The following SLC9A7 variants were observed in gnomAD, a reference collection of about 807,000 sequenced individuals.
SLC9A7 encodes sodium/hydrogen exchanger 7.
A neutral mutation model predicts 52.6 loss-of-function variants in SLC9A7; 19 were observed. The observed-to-expected ratio is 0.36, with a 90% CI of 0.25 to 0.53. The LOEUF is 0.53. Ranked by LOEUF, SLC9A7 falls within the 20% of genes least tolerant of loss-of-function variation. SLC9A7 has a pLI of 0.91. For missense variants in SLC9A7, 455 were observed against 597.9 expected, an observed-to-expected ratio of 0.76 and a Z score of 2.49; for synonymous variants, 226 against 252.1, an observed-to-expected ratio of 0.90 and a Z score of 0.98.
intron 3 of SLC9A7, among the ~76,000 whole-genome samples, chrX:46,675,634 G>A (rs1429472391): frequency 1.8e-5 from 2 of 111,875 alleles, no homozygotes; most frequent in African/African-American, 6.5e-5. Flanking sequence ...CCTTTCATCT[G>A]CTCCTTTTTT....
At chrX:46,626,091 G>A (rs1308366991) in intron 14 of SLC9A7, among the ~76,000 whole-genome samples, 1 of 111,685 alleles carries the variant, frequency 9.0e-6, no homozygotes, top group Non-Finnish European at 1.9e-5. Context: ...CAGATCACTT[G>A]AGCCAAGGAG....
At chrX:46,656,190 A>G (rs1225802523) in intron 7 of SLC9A7, among the ~76,000 whole-genome samples, 7 of 112,156 alleles carry the variant, frequency 6.2e-5, no homozygotes, top group African/African-American at 2.3e-4. Context: ...ACTAACAAAC[A>G]GAAAGGACAT....
intron 1 of SLC9A7, among the ~76,000 whole-genome samples, chrX:46,711,125 C>A (rs1329620476): frequency 8.9e-6 from 1 of 112,830 alleles, no homozygotes; most frequent in East Asian, 2.8e-4. Context: ...CCTCTTGCAG[C>A]CTGCCAGCAA....
At position 46,611,016 on chromosome X, in the gene SLC9A7, A is replaced by G. The variant is rs1602129452; in HGVS notation, c.1929+2273T>C. ...CTAGAGTTAGAAGACAAATTTATAT[A>G]TATAAACCCAGTGAAACTTAAGATC... On this transcript the variant is annotated intron_variant, in intron 16 of 16. Transcript: ENST00000616978. Among the ~76,000 whole-genome samples, 4 of 112,057 alleles carry G rather than the reference A, an allele frequency of 3.6e-5. No individual in the cohort carries two copies. In the South Asian group the frequency reaches 1.5e-3, roughly 41 times the overall value.
At chrX:46,624,938 AAC>A (rs1286436949) in intron 14 of SLC9A7, among the ~76,000 whole-genome samples, 1 of 112,090 alleles carries the variant, frequency 8.9e-6, no homozygotes, top group Non-Finnish European at 1.9e-5. Context: ...GGGTGCTGGA[AAC>A]ACAAAGAGGA....
At chrX:46,612,435 T>C (rs903131282) in intron 16 of SLC9A7, among the ~76,000 whole-genome samples, 3 of 111,387 alleles carry the variant, frequency 2.7e-5, no homozygotes, top group African/African-American at 9.8e-5. Flanking sequence ...CGTCCACCAG[T>C]GTACATGTTC....
chrX:46,671,521 G>A (rs764273093), intron 4 of SLC9A7, among the ~76,000 whole-genome samples: 78 of 110,090 alleles, frequency 7.1e-4, no homozygotes, highest in African/African-American at 2.3e-3. Flanking sequence ...TGCCCGCCTC[G>A]GCCTCCCAAA....
At chrX:46,633,361 A>C (rs1267876319) in intron 13 of SLC9A7, among the ~76,000 whole-genome samples, 15 of 93,837 alleles carry the variant, frequency 1.6e-4, no homozygotes, top group Non-Finnish European at 2.8e-4. Flanking sequence ...AAAAAAAAAA[A>C]AAAAAAAAAA....
intron 16 of SLC9A7, among the ~76,000 whole-genome samples, chrX:46,613,029 C>T (rs1026915794): frequency 1.9e-5 from 2 of 107,049 alleles, no homozygotes; most frequent in Non-Finnish European, 3.9e-5. Flanking sequence ...CATTCCAATC[C>T]AGTGGCTCTG....
intron 7 of SLC9A7, among the ~76,000 whole-genome samples, chrX:46,657,734 T>G (rs994926899): frequency 1.8e-5 from 2 of 110,900 alleles, no homozygotes; most frequent in East Asian, 2.8e-4. Flanking sequence ...AAGTCCTGAG[T>G]GACCTACAAA....
intron 7 of SLC9A7, among the ~76,000 whole-genome samples, chrX:46,660,594 T>C (rs1943797000): frequency 9.0e-6 from 1 of 111,256 alleles, no homozygotes; most frequent in African/African-American, 3.3e-5. Context: ...AGAAGACTTT[T>C]ATGCAGCCAA....
At chrX:46,665,324 T>C (rs1421734435) in intron 5 of SLC9A7, among the ~76,000 whole-genome samples, 1 of 111,009 alleles carries the variant, frequency 9.0e-6, no homozygotes, top group Non-Finnish European at 1.9e-5. Flanking sequence ...AGGACCTAAA[T>C]GTGTTCATTC....
chrX:46,675,558 C>T (rs1361677001), intron 3 of SLC9A7, among the ~76,000 whole-genome samples: 1 of 112,341 alleles, frequency 8.9e-6, no homozygotes, highest in African/African-American at 3.2e-5. Context: ...TGTTGTAATG[C>T]TGGGCACTTT....
intron 14 of SLC9A7, 78 bp downstream of exon 14, chrX:46,631,508 G>A (rs1943221188): frequency 1.4e-5 from 11 of 773,856 alleles, no homozygotes; most frequent in African/African-American, 2.0e-5. Context: ...ATCACATTGA[G>A]GGAATCTAGG....
intron 1 of SLC9A7, among the ~76,000 whole-genome samples, chrX:46,697,489 A>G (rs1944465595): frequency 8.9e-6 from 1 of 111,855 alleles, no homozygotes; most frequent in African/African-American, 3.3e-5. Flanking sequence ...ATACTTTTAT[A>G]ATTTCTTATG....
chrX:46,624,969 G>A (rs1340230439), intron 14 of SLC9A7, among the ~76,000 whole-genome samples: 1 of 111,789 alleles, frequency 8.9e-6, no homozygotes, highest in Non-Finnish European at 1.9e-5. Flanking sequence ...TAGCACCTGG[G>A]CCTCAAGGAG....
At chrX:46,637,060 A>G (rs1175470246) in intron 12 of SLC9A7, among the ~76,000 whole-genome samples, 2 of 112,515 alleles carry the variant, frequency 1.8e-5, no homozygotes, top group Non-Finnish European at 3.8e-5. Flanking sequence ...CTGTAATGCT[A>G]TGATTAATAC....
At chrX:46,689,485 T>G (rs1230019868) in intron 1 of SLC9A7, among the ~76,000 whole-genome samples, 2 of 111,963 alleles carry the variant, frequency 1.8e-5, no homozygotes, top group African/African-American at 6.5e-5. Flanking sequence ...TATGAACATG[T>G]TTTCATTTCT....
Position 46,642,017 on chromosome X carries a change from CAG to C in SLC9A7, c.1616+1217_1616+1218del. Among the ~76,000 whole-genome samples the C allele has an allele frequency of 1.8e-5, 2 of 112,516 alleles. 1 individual carries two copies. Among genetic ancestry groups the C allele is most frequent in the Middle Eastern group, 9.3e-3 (2 of 214 alleles). ...TCTGCAGACCCACCTGGATCTCAGG[CAG>C]AGATACACTAGCCCAGAAATGGTGA... On this transcript the variant is annotated intron_variant, in intron 12 of 16. Transcript: ENST00000616978.
Sources: gnomAD v4.1 joint callset for allele counts (sites outside exome capture counted in the v4.1 genomes callset) on GRCh38, gnomAD v4.1.1 for gene constraint, MANE v1.5 for transcripts, NCBI Gene and HGNC (gene_info 2026-07-23, HGNC 2026-07-21) for gene names.